The following BDH1 variants were observed in gnomAD, a reference collection of about 807,000 sequenced individuals.
The protein encoded by BDH1 is 3-hydroxybutyrate dehydrogenase 1.
A neutral mutation model predicts 33.1 loss-of-function variants in BDH1; 30 were observed. The ratio of observed to expected loss-of-function variants is 0.91; its 90% CI spans 0.68 to 1.23. The LOEUF is 1.23. Ranked by LOEUF, BDH1 falls within the 50% of genes most tolerant of loss-of-function variation. The pLI, the probability that BDH1 is intolerant of heterozygous loss-of-function variation, is 0.00. For synonymous variants in BDH1, 190 were observed against 183.6 expected (o/e 1.03, Z -0.28); for missense variants, 443 against 464.4 (o/e 0.95, Z 0.42).
intron 5 of BDH1, among the ~76,000 whole-genome samples, chr3:197,524,337 G>C (rs143359790): frequency 6.6e-6 from 1 of 152,348 alleles, no homozygotes; most frequent in East Asian, 1.9e-4. Context: ...TCCCAGGCGC[G>C]GGCAAGGGTG....
At chr3:197,553,197 T>A (rs73085612) in intron 2 of BDH1, among the ~76,000 whole-genome samples, 4 of 149,068 alleles carry the variant, frequency 2.7e-5, no homozygotes, top group African/African-American at 9.8e-5. Flanking sequence ...AGATTACAGG[T>A]GTGTGCCACC....
chr3:197,567,756 A>G (rs2108777082), intron 1 of BDH1, among the ~76,000 whole-genome samples: 1 of 152,282 alleles, frequency 6.6e-6, no homozygotes, highest in Middle Eastern at 3.4e-3. Context: ...TTGGGGGTTT[A>G]TGGAGGGAAA....
rs1713659780 is a variant in BDH1, at chr3:197,522,500, C to T, written c.409+140G>A. 5.6e-6 allele frequency: 6 copies of T among 1,069,472 alleles called. No individual in the cohort carries two copies. The highest frequency in any genetic ancestry group is 4.8e-5 in the African/African-American group (3 of 62,908). The allele number at this position is 1,069,472 out of a possible 1,614,324, so 66.2% of individuals were successfully genotyped here. A position where few individuals can be genotyped will look rare whatever the true frequency, so the allele number is the denominator to read the frequency against. ...GTATGTTTAGTGTAATCCTCTTCCT[C>T]CTACTGTGCAGGAGGAAGAGCCTAA... On this transcript the variant is annotated intron_variant, in intron 6 of 7. Transcript: ENST00000392379. The surrounding 1 kb of genome is among the most constrained non-coding windows in gnomAD (Gnocchi z 4.8).
chr3:197,540,757 C>G (rs1715545576), intron 3 of BDH1, among the ~76,000 whole-genome samples: 1 of 152,200 alleles, frequency 6.6e-6, no homozygotes, highest in Admixed American at 6.5e-5. Context: ...TCTAAACTGT[C>G]TCTCCATTGT....
rs80113949 is a variant in BDH1, at chr3:197,521,354, G to A, written c.409+1286C>T. On this transcript the variant is annotated intron_variant, in intron 6 of 7. Coordinates refer to ENST00000392379, the MANE Select transcript of BDH1 (RefSeq NM_203314.3). The surrounding 1 kb of genome is among the most constrained non-coding windows in gnomAD (Gnocchi z 4.9). ...AGCTCCTCCCACAAGGCCCTCCACT[G>A]GCTGAACTGGAAGGATATTTTAGTC... Among the ~76,000 whole-genome samples the A allele has an allele frequency of 0.067, 10,223 of 152,218 alleles. 458 individuals carry two copies. The highest frequency in any genetic ancestry group is 0.1 in the Non-Finnish European group (6,771 of 67,984).
chr3:197,533,835 C>T (rs1714919904), intron 3 of BDH1: 1 of 460,614 alleles, frequency 2.2e-6, no homozygotes, highest in African/African-American at 2.0e-5. Flanking sequence ...TCTGCTAAAC[C>T]CTGGCCATCC....
In BDH1 at chr3:197,514,960, G is replaced by A. The variant is rs1316933345; in HGVS notation, c.410-544C>T. ...AAAGGCTGGATGGGTCAGAGCCTCAGGACAGAGCTGGGCCCTGCCTCTTTG... is the reference window on the plus strand; with the variant it reads ...AAAGGCTGGATGGGTCAGAGCCTCAAGACAGAGCTGGGCCCTGCCTCTTTG... On this transcript the variant is annotated intron_variant, in intron 6 of 7. Transcript: ENST00000392379. The surrounding 1 kb of genome is among the most constrained non-coding windows in gnomAD (Gnocchi z 4.2). Among the ~76,000 whole-genome samples, 2 of 152,182 alleles carry A rather than the reference G, an allele frequency of 1.3e-5. No individual in the cohort carries two copies. Among genetic ancestry groups the A allele is most frequent in the African/African-American group, 4.8e-5 (2 of 41,436 alleles).
Position 197,512,221 on chromosome 3 carries a change from C to A in BDH1, c.706G>T (p.Val236Leu). The change falls in exon 8 of 8, where the codon GTG becomes TTG. Residue 236 changes from valine to leucine, a missense_variant. By Grantham distance (32) the Val-to-Leu change is conservative (BLOSUM62 1). Coordinates refer to ENST00000392379, the MANE Select transcript of BDH1 (RefSeq NM_203314.3). ...GCAGCGATGAAGTTGCCGGGCTCCA[C>A]CACGCTGACCTTCACGCCCAGGGGG... is the stretch of plus-strand genomic sequence containing the variant. ...MYPLGVKVSVVEPGNFIAATS... is the reference protein window; with the variant it reads ...MYPLGVKVSVLEPGNFIAATS... The A allele has an allele frequency of 1.2e-6, 2 of 1,613,868 alleles. No homozygotes were observed. Among genetic ancestry groups the A allele is most frequent in the Non-Finnish European group, 1.7e-6 (2 of 1,180,026 alleles).
At position 197,526,266 on chromosome 3, in the gene BDH1, G is replaced by A. The variant is rs1229153953; in HGVS notation, c.268-3485C>T. On this transcript the variant is annotated intron_variant, in intron 5 of 7. Coordinates refer to ENST00000392379, the MANE Select transcript of BDH1 (RefSeq NM_203314.3). This position sits in a 1 kb window ranked among gnomAD's most constrained non-coding sequence, Gnocchi z 4.7. ...AGCTTTCCCCTGCCCAGCCCTGAGGGCTGTGGGAAGTAGGTGCTGGTGGAG... is the reference window on the plus strand; with the variant it reads ...AGCTTTCCCCTGCCCAGCCCTGAGGACTGTGGGAAGTAGGTGCTGGTGGAG... 6.6e-6 allele frequency among the ~76,000 whole-genome samples: 1 copy of A among 152,208 alleles called. No individual in the cohort carries two copies. The highest frequency in any genetic ancestry group is 1.5e-5 in the Non-Finnish European group (1 of 68,032).
intron 1 of BDH1, among the ~76,000 whole-genome samples, chr3:197,565,499 A>G (rs1158427805): frequency 1.3e-5 from 2 of 152,202 alleles, no homozygotes; most frequent in Non-Finnish European, 2.9e-5. Context: ...CTTATTTGGT[A>G]TAAAAATCAT....
At chr3:197,553,999 C>T (rs530928021) in intron 2 of BDH1, among the ~76,000 whole-genome samples, 2 of 152,192 alleles carry the variant, frequency 1.3e-5, no homozygotes, top group African/African-American at 4.8e-5. Context: ...GCTGAGCCCC[C>T]GAGTCCTCAC....
In BDH1 at chr3:197,520,897, G is replaced by A. The variant is rs1393409295; in HGVS notation, c.409+1743C>T. ...ATGTTCAGCGAGAACAGAGAACAGA[G>A]AGGCCTGTGAATGGCCTGTTGGGAG... On this transcript the variant is annotated intron_variant, in intron 6 of 7. Coordinates refer to ENST00000392379, the MANE Select transcript of BDH1 (RefSeq NM_203314.3). The surrounding 1 kb of genome is among the most constrained non-coding windows in gnomAD (Gnocchi z 6.0). Among the ~76,000 whole-genome samples the A allele has an allele frequency of 1.3e-5, 2 of 152,330 alleles. No individual in the cohort carries two copies. The highest frequency in any genetic ancestry group is 1.9e-4 in the East Asian group (1 of 5,188).
chr3:197,555,880 C>T lies in BDH1; in HGVS notation c.-295G>A, dbSNP rs1444864488. 2 of 152,258 alleles carry T rather than the reference C, an allele frequency of 1.3e-5. No homozygotes were observed. Among genetic ancestry groups the T allele is most frequent in the Non-Finnish European group, 2.9e-5 (2 of 68,074 alleles). The allele number at this position is 152,258 out of a possible 1,614,324, so 9.4% of individuals were successfully genotyped here. ...GTGCCCGCTCTCCTGCGGGGAGAGC[C>T]GAGGGGGGGCGCTGCCGCAGGGTCT... is the stretch of plus-strand genomic sequence containing the variant. On this transcript the variant is annotated 5_prime_UTR_variant, in exon 1 of 8. Transcript: ENST00000392379.
intron 5 of BDH1, chr3:197,529,140 G>A (rs138371176): frequency 5.9e-5 from 9 of 152,314 alleles, no homozygotes; most frequent in East Asian, 1.9e-4. Flanking sequence ...TCAGGAGAGC[G>A]ACAGCCTTTC....
rs143215527 is a variant in BDH1 at position 197,551,461 on chromosome 3, T to C, written c.-44+3101A>G. Among the ~76,000 whole-genome samples the C allele has an allele frequency of 2.5e-3, 376 of 152,304 alleles. 1 individual carries two copies. The highest frequency in any genetic ancestry group is 8.8e-3 in the African/African-American group (365 of 41,556). ...GTGTATATGTACCACATTTTCTTTA[T>C]CCATTTATCTGCTGATGGACAGTTA... is the stretch of plus-strand genomic sequence containing the variant. On this transcript the variant is annotated intron_variant, in intron 2 of 7. Coordinates refer to ENST00000392379, the MANE Select transcript of BDH1 (RefSeq NM_203314.3).
intron 1 of BDH1, among the ~76,000 whole-genome samples, chr3:197,563,252 T>C (rs1158588124): frequency 6.6e-6 from 1 of 152,260 alleles, no homozygotes; most frequent in Non-Finnish European, 1.5e-5. Context: ...TTTCACTTTG[T>C]ACCTTACGAG....
At position 197,510,247 on chromosome 3, in the gene BDH1, A is replaced by C. The variant is rs2108688238; in HGVS notation, c.*1648T>G. 6.6e-6 allele frequency: 1 copy of C among 152,424 alleles called. No homozygotes were observed. The highest frequency in any genetic ancestry group is 2.1e-4 in the South Asian group (1 of 4,838). The allele number at this position is 152,424 out of a possible 1,614,324, so 9.4% of individuals were successfully genotyped here. On this transcript the variant is annotated 3_prime_UTR_variant, in exon 8 of 8. Coordinates refer to ENST00000392379, the MANE Select transcript of BDH1 (RefSeq NM_203314.3). ...AGCGCGAATCCCGAACGCCGTGAGA[A>C]ACCTCAGGCTCGGGCGGCAGCGCGG...
chr3:197,561,355 T>G (rs1469333901), intron 1 of BDH1, among the ~76,000 whole-genome samples: 1 of 152,150 alleles, frequency 6.6e-6, no homozygotes, highest in Non-Finnish European at 1.5e-5. Context: ...ACCTTTTTTT[T>G]GGAGTTTTAT....
At chr3:197,557,469 G>C (rs1027474899), upstream of BDH1, among the ~76,000 whole-genome samples, 3 of 152,246 alleles carry the variant, frequency 2.0e-5, no homozygotes, top group Non-Finnish European at 4.4e-5. The surrounding 1 kb of genome is among the most constrained non-coding windows in gnomAD (Gnocchi z 4.6). Context: ...TGTAGACCGG[G>C]TGCGGTGGCT....
Sources: allele counts gnomAD v4.1 joint callset (sites outside exome capture counted in the v4.1 genomes callset), GRCh38; gene constraint gnomAD v4.1.1; non-coding constraint Gnocchi (gnomAD v3.1); transcripts MANE v1.5; gene names NCBI Gene and HGNC (gene_info 2026-07-23, HGNC 2026-07-21).